Variants in MORC1 observed in about 807,000 individuals in gnomAD.
MORC1 encodes the protein MORC family CW-type zinc finger protein 1.
Under a neutral mutation model 134.9 loss-of-function variants are expected in MORC1, and 59 were observed. The ratio of observed to expected loss-of-function variants is 0.44; its 90% CI spans 0.35 to 0.54. The LOEUF is 0.54. Among genes scored for constraint, MORC1 ranks in the 20% least tolerant of loss-of-function variants. The pLI is 0.00. For missense variants in MORC1, 947 were observed against 1,134.5 expected (o/e 0.83, Z 2.37); for synonymous variants, 395 against 391.7 (o/e 1.01, Z -0.10).
At position 108,958,879 on chromosome 3, in the gene MORC1, A is replaced by T; in HGVS notation, c.*86T>A. 1 of 870,346 alleles carries T rather than the reference A, an allele frequency of 1.1e-6. No individual in the cohort carries two copies. Among genetic ancestry groups the T allele is most frequent in the Non-Finnish European group, 1.7e-6 (1 of 596,960 alleles). 53.9% of individuals were successfully genotyped at this position (870,346 alleles called of 1,614,324 possible). A position where few individuals can be genotyped will look rare whatever the true frequency, so the allele number is the denominator to read the frequency against. ...TATTGTTAAACAGAATAGACTTTAC[A>T]GTAACAACAACAAAAAAGAAAAATT... is the stretch of plus-strand genomic sequence containing the variant. On this transcript the variant is annotated 3_prime_UTR_variant, in exon 28 of 28. Coordinates refer to ENST00000232603, the MANE Select transcript of MORC1 (RefSeq NM_014429.4).
chr3:109,016,396 A>T (rs533040400), intron 17 of MORC1, among the ~76,000 whole-genome samples: 1 of 150,880 alleles, frequency 6.6e-6, no homozygotes, highest in East Asian at 1.9e-4. Context: ...GATGACCCTG[A>T]CTCCTCTTTA....
At chr3:109,114,611 T>C (rs894748929) in intron 1 of MORC1, among the ~76,000 whole-genome samples, 174 bp from the exon 2 acceptor site, 4 of 152,206 alleles carry the variant, frequency 2.6e-5, no homozygotes, top group African/African-American at 9.7e-5. Flanking sequence ...ATACCCTCCA[T>C]TATGAAGCGA....
chr3:109,069,031 C>T (rs1950258948), intron 9 of MORC1, among the ~76,000 whole-genome samples: 1 of 149,290 alleles, frequency 6.7e-6, no homozygotes, highest in African/African-American at 2.4e-5. Context: ...TGGTGCACGC[C>T]TGTAATCCCA....
chr3:109,055,982 T>G (rs1232048830), intron 13 of MORC1, among the ~76,000 whole-genome samples: 1 of 152,182 alleles, frequency 6.6e-6, no homozygotes, highest in East Asian at 1.9e-4. Flanking sequence ...AATGGCATGT[T>G]AGGGCCAGCA....
intron 3 of MORC1, among the ~76,000 whole-genome samples, chr3:109,107,744 A>AT (rs1024553955): frequency 5.9e-5 from 9 of 152,104 alleles, no homozygotes; most frequent in Admixed American, 4.6e-4. Flanking sequence ...TTTTTTATCC[A>AT]TTTTTTTAAG....
chr3:108,985,005 G>A (rs1390505419), intron 22 of MORC1, among the ~76,000 whole-genome samples: 1 of 152,228 alleles, frequency 6.6e-6, no homozygotes, highest in East Asian at 1.9e-4. Flanking sequence ...TTATCCAAGA[G>A]AGTGTAGCTT....
intron 27 of MORC1, among the ~76,000 whole-genome samples, chr3:108,961,099 T>A (rs961826039): frequency 7.9e-5 from 12 of 152,326 alleles, no homozygotes; most frequent in Non-Finnish European, 1.8e-4. Context: ...AACTATGGGA[T>A]CAACTAACTC....
rs542931579 is a variant in MORC1 at position 109,117,306 on chromosome 3, G to A, written c.65+689C>T. Among the ~76,000 whole-genome samples the A allele has an allele frequency of 1.5e-3, 185 of 121,428 alleles. 1 individual carries two copies. The highest frequency in any genetic ancestry group is 6.6e-3 in the Middle Eastern group (1 of 152). 79.7% of individuals were successfully genotyped at this position (121,428 alleles called of 152,430 possible). Reference sequence around the variant, plus strand: ...TCCCTGATATCTGTTCCTATATTTAGTAAATCCAAATTACCAAAAGATGTC... The same window carrying A: ...TCCCTGATATCTGTTCCTATATTTAATAAATCCAAATTACCAAAAGATGTC... On this transcript the variant is annotated intron_variant, in intron 1 of 27. Coordinates refer to ENST00000232603, the MANE Select transcript of MORC1 (RefSeq NM_014429.4).
chr3:109,066,117 A>T (rs1950190240), intron 9 of MORC1, among the ~76,000 whole-genome samples: 1 of 152,096 alleles, frequency 6.6e-6, no homozygotes, highest in Non-Finnish European at 1.5e-5. Flanking sequence ...AAACGTCAGC[A>T]TCACACAATA....
In MORC1 at chr3:109,030,337, A is replaced by T. The variant is rs114066225; in HGVS notation, c.1565+2383T>A. Among the ~76,000 whole-genome samples, 96 of 152,304 alleles carry T rather than the reference A, an allele frequency of 6.3e-4. 1 individual carries two copies. The highest frequency in any genetic ancestry group is 2.8e-3 in the Admixed American group (43 of 15,294). ...GTATTTTGAAGCATATTCTCAAGGT[A>T]TAGATGGCCCATCCTACCATTTTGA... is the stretch of plus-strand genomic sequence containing the variant. On this transcript the variant is annotated intron_variant, in intron 16 of 27. Transcript: ENST00000232603.
At chr3:108,973,933 A>T (rs1310698412) in intron 24 of MORC1, among the ~76,000 whole-genome samples, 2 of 152,078 alleles carry the variant, frequency 1.3e-5, no homozygotes, top group Non-Finnish European at 2.9e-5. Context: ...GAATTGTGCT[A>T]AGCACTGCTA....
At chr3:109,026,355 T>C (rs1576647251) in intron 17 of MORC1, among the ~76,000 whole-genome samples, 1 of 152,094 alleles carries the variant, frequency 6.6e-6, no homozygotes. Flanking sequence ...TTAAATCTTA[T>C]GAAAAAAAAT....
chr3:109,027,709 A>G, intron 17 of MORC1, 42 bp downstream of exon 17: 1 of 1,612,514 alleles, frequency 6.2e-7, no homozygotes, highest in Non-Finnish European at 8.5e-7. Flanking sequence ...CCAACAGTTA[A>G]AGAGTCACAG....
intron 16 of MORC1, among the ~76,000 whole-genome samples, chr3:109,029,169 T>C (rs3804685): frequency 0.42 from 64,256 of 152,022 alleles, 14,293 homozygotes; most frequent in Middle Eastern, 0.55. Flanking sequence ...ATTCAGGTAC[T>C]ACTGTGAAAA....
At chr3:108,988,604 G>A (rs750052045) in intron 21 of MORC1, among the ~76,000 whole-genome samples, 1 of 152,110 alleles carries the variant, frequency 6.6e-6, no homozygotes, top group Non-Finnish European at 1.5e-5. Context: ...ATCAACAACA[G>A]CTAATAGGAA....
intron 13 of MORC1, among the ~76,000 whole-genome samples, chr3:109,055,644 C>T (rs1355626880): frequency 6.6e-6 from 1 of 152,154 alleles, no homozygotes; most frequent in Non-Finnish European, 1.5e-5. Flanking sequence ...GCTCTTTTTG[C>T]ACTGGATGCT....
chr3:109,111,286 T>C (rs566687735), intron 2 of MORC1, among the ~76,000 whole-genome samples: 65 of 152,170 alleles, frequency 4.3e-4, no homozygotes, highest in Non-Finnish European at 8.8e-4. Flanking sequence ...GCCCATCAAC[T>C]GTTTGTAAAT....
At chr3:108,978,452 A>G (rs1170988881) in intron 24 of MORC1, among the ~76,000 whole-genome samples, 2 of 152,168 alleles carry the variant, frequency 1.3e-5, no homozygotes, top group Non-Finnish European at 2.9e-5. Flanking sequence ...GGTGTTAGGC[A>G]TGAGACAGCA....
At chr3:109,044,557 C>CA (rs5851634) in intron 14 of MORC1, among the ~76,000 whole-genome samples, 24 of 145,250 alleles carry the variant, frequency 1.7e-4, no homozygotes, top group Non-Finnish European at 2.3e-4. Context: ...GACTCCACCT[C>CA]AAAAAAAAAA....
Sources: allele counts gnomAD v4.1 joint callset (sites outside exome capture counted in the v4.1 genomes callset), GRCh38; gene constraint gnomAD v4.1.1; transcripts MANE v1.5; gene names NCBI Gene and HGNC (gene_info 2026-07-23, HGNC 2026-07-21).